Variants in TTN observed in about 807,000 individuals in gnomAD.
TTN encodes titin.
TTN carries 1,525 observed loss-of-function variants against 3,223.0 expected under a neutral mutation model. That is an observed-to-expected ratio of 0.47 (90% CI 0.45 to 0.49). The LOEUF (loss-of-function observed/expected upper bound fraction) is 0.49. TTN is among the 20% of genes least tolerant of loss of function. The probability of loss-of-function intolerance (pLI) is 0.00; values close to 1 mark genes in which losing one functional copy is unlikely to be tolerated. For synonymous variants in TTN, 14,094 were observed against 15,161.0 expected (o/e 0.93, Z 5.17); for missense variants, 40,786 against 43,424.0 (o/e 0.94, Z 5.40).
At position 178,531,328 on chromosome 2, in the gene TTN, T is replaced by C; in HGVS notation, c.105287A>G (p.Tyr35096Cys). 6.2e-7 allele frequency: 1 copy of C among 1,614,054 alleles called. No individual in the cohort carries two copies. Among genetic ancestry groups the C allele is most frequent in the South Asian group, 1.1e-5 (1 of 91,088 alleles). Reference sequence around the variant, plus strand: ...CATTTCTGCAGATGCAGAGTGTTCATATGAGGAGAGACTTTCCCTTGTCTC... The same window carrying C: ...CATTTCTGCAGATGCAGAGTGTTCACATGAGGAGAGACTTTCCCTTGTCTC... ...MTETRESLSS[Y>C]EHSASAEMKS... Residue 35096 changes from tyrosine (Y) to cysteine (C), a missense_variant, in exon 358 of 363, where the codon TAT (tyrosine) becomes TGT (cysteine). By Grantham distance (194) the Tyr-to-Cys change is radical. Transcript: ENST00000589042.
intron 16 of TTN, 25 bp from the exon 17 acceptor site, chr2:178,783,810 A>C (rs2092969529): frequency 6.3e-7 from 1 of 1,596,396 alleles, no homozygotes; most frequent in Non-Finnish European, 8.6e-7. Flanking sequence ...ATTATATTAC[A>C]AAATGCTCAT....
intron 126 of TTN, 140 bp downstream of exon 126, chr2:178,688,537 G>T: frequency 1.5e-6 from 1 of 681,906 alleles, no homozygotes. Context: ...GGCTACAAAA[G>T]GTAGACACAT....
chr2:178,628,143 A>T (rs2059315269), intron 240 of TTN, among the ~76,000 whole-genome samples: 1 of 152,108 alleles, frequency 6.6e-6, no homozygotes, highest in African/African-American at 2.4e-5. Context: ...TACCTATCAG[A>T]TGACTGCTGG....
chr2:178,552,388 G>A lies in TTN; in HGVS notation c.90512C>T (p.Pro30171Leu), dbSNP rs2154151253. 2 of 1,591,144 alleles carry A rather than the reference G, an allele frequency of 1.3e-6. No individual in the cohort carries two copies. Among genetic ancestry groups the A allele is most frequent in the South Asian group, 1.1e-5 (1 of 87,196 alleles). Residue 30171 changes from proline (P) to leucine (L), a missense_variant, in exon 335 of 363, where the codon CCA becomes CTA. Pro to Leu is a moderately conservative substitution (Grantham distance 98). Transcript: ENST00000589042. The stretch of plus-strand genomic sequence containing the variant: ...GCGAACAAATTCACTTTCTTTCAGT[G>A]GCAAGCCATCTTTCAGCCAACTGAT... ...PSISWLKDGL[P>L]LKESEFVRFS...
rs2085428235 is a variant in TTN, at chr2:178,751,309, C to A, written c.11311+1815G>T. ...TTAAACGTTGCAACTTCACTTTGGTCTCCTTGTCCAGGAAACTTTCACCTA... is the reference window on the plus strand; with the variant it reads ...TTAAACGTTGCAACTTCACTTTGGTATCCTTGTCCAGGAAACTTTCACCTA... On this transcript the variant is annotated intron_variant, in intron 47 of 362. Coordinates refer to ENST00000589042, the MANE Select transcript of TTN (RefSeq NM_001267550.2). The A allele has an allele frequency of 6.2e-6, 10 of 1,610,606 alleles. No homozygotes were observed. In the East Asian group the frequency reaches 2.2e-4, roughly 36 times the overall value.
rs1559975719 is a variant in TTN at position 178,634,693 on chromosome 2, A to T, written c.42151+30T>A. The T allele has an allele frequency of 1.2e-6, 2 of 1,611,998 alleles. No homozygotes were observed. Among genetic ancestry groups the T allele is most frequent in the East Asian group, 2.2e-5 (1 of 44,798 alleles). ...CACAGGGAAGTGAAATAAAGTTGAG[A>T]CCCCTCCCCAAATTCTAAAAGCCCC... is the stretch of plus-strand genomic sequence containing the variant. On this transcript the variant is annotated intron_variant, in intron 229 of 362. Transcript: ENST00000589042. This position sits in a 1 kb window ranked among gnomAD's most constrained non-coding sequence, Gnocchi z 4.6.
Position 178,531,262 on chromosome 2 carries a change from GA to G in TTN, c.105352del (p.Ser35118ProfsTer15). The stretch of plus-strand genomic sequence containing the variant: ...AGTCGTCTTGATCTTTCTGGTTGTG[GA>G]TTTTTCTTCCAGTGACTTTTCTTCT... ...ALEEKSLEEK[S>X]TTRKIKTTLA... On this transcript the variant is annotated frameshift_variant, in exon 358 of 363. Coordinates refer to ENST00000589042, the MANE Select transcript of TTN (RefSeq NM_001267550.2). LOFTEE classifies it high-confidence loss of function. 2 of 1,613,960 alleles carry G rather than the reference GA, an allele frequency of 1.2e-6. No individual in the cohort carries two copies. The highest frequency in any genetic ancestry group is 1.7e-6 in the Non-Finnish European group (2 of 1,179,886).
rs369739111 is a variant in TTN at position 178,670,291 on chromosome 2, C to T, written c.35313G>A (p.Pro11771=). The part of the protein sequence containing the change: ...VPRKEPPAKV[P]EVPKKIVVEE... ...CTACCACAATTTTCTTAGGCACCTC[C>T]GGTACTTTAAAGATAATAGTAATAA... The change falls in exon 157 of 363, where the codon CCG becomes CCA. Residue 11771 remains proline (P), a synonymous_variant. Transcript: ENST00000589042. 240 of 1,470,400 alleles carry T rather than the reference C, an allele frequency of 1.6e-4. No homozygotes were observed. Among genetic ancestry groups the T allele is most frequent in the South Asian group, 6.2e-4 (39 of 62,502 alleles). 91.1% of individuals were successfully genotyped at this position (1,470,400 alleles called of 1,614,324 possible).
At position 178,680,351 on chromosome 2, in the gene TTN, G is replaced by A. The variant is rs1156840969; in HGVS notation, c.33341-20C>T. The A allele has an allele frequency of 3.1e-6, 5 of 1,601,002 alleles. No homozygotes were observed. The highest frequency in any genetic ancestry group is 1.4e-5 in the African/African-American group (1 of 73,902). ...TGGGCACTTGAAATATGAAGTATAA[G>A]GAAATTTTATTGTCAGTAAAAGGCC... On this transcript the variant is annotated intron_variant, in intron 138 of 362. Transcript: ENST00000589042.
At position 178,577,610 on chromosome 2, in the gene TTN, T is replaced by C; in HGVS notation, c.68816A>G (p.Asp22939Gly). 1 of 1,605,886 alleles carries C rather than the reference T, an allele frequency of 6.2e-7. No homozygotes were observed. The highest frequency in any genetic ancestry group is 8.5e-7 in the Non-Finnish European group (1 of 1,176,124). The change falls in exon 323 of 363, where the codon GAT (aspartate) becomes GGT (glycine). Residue 22939 changes from aspartate to glycine, a missense_variant. Coordinates refer to ENST00000589042, the MANE Select transcript of TTN (RefSeq NM_001267550.2). ...AAGTAAAATGGACCTACCGTATTCA[T>C]CCTTGCAAATAATGGTTTCTGTACT... is the stretch of plus-strand genomic sequence containing the variant. ...SESTETIICKDEYEAPTIVLD... is the reference protein window; with the variant it reads ...SESTETIICKGEYEAPTIVLD...
Position 178,535,305 on chromosome 2 carries a change from C to G in TTN, c.101310G>C (p.Leu33770=). 6.2e-7 allele frequency: 1 copy of G among 1,613,902 alleles called. No homozygotes were observed. The highest frequency in any genetic ancestry group is 1.7e-5 in the Admixed American group (1 of 60,022). The part of the protein sequence containing the change: ...FRVIAENKFG[L]SKPSEPSEPT... ...GTTCTGAAGGCTCTGAAGGCTTGCTCAGACCAAATTTATTTTCAGCTATTA... is the reference window on the plus strand; with the variant it reads ...GTTCTGAAGGCTCTGAAGGCTTGCTGAGACCAAATTTATTTTCAGCTATTA... Residue 33770 remains leucine (L), a synonymous_variant, in exon 358 of 363, where the codon CTG becomes CTC. Coordinates refer to ENST00000589042, the MANE Select transcript of TTN (RefSeq NM_001267550.2).
rs1437157451 is a variant in TTN, at chr2:178,579,649, C to T, written c.67548G>A (p.Gly22516=). 1 of 1,613,316 alleles carries T rather than the reference C, an allele frequency of 6.2e-7. No individual in the cohort carries two copies. Among genetic ancestry groups the T allele is most frequent in the East Asian group, 2.2e-5 (1 of 44,786 alleles). The change falls in exon 319 of 363, where the codon GGG becomes GGA. Residue 22516 remains glycine, a synonymous_variant. Coordinates refer to ENST00000589042, the MANE Select transcript of TTN (RefSeq NM_001267550.2). ...LQYSAKDLTE[G]KEYTFRVSAE... ...CACTCACTCTGAAGGTATATTCCTT[C>T]CCTTCAGTCAAATCTTTTGCAGAGT... is the stretch of plus-strand genomic sequence containing the variant.
rs1308954903 is a variant in TTN, at chr2:178,671,987, T to C, written c.35211A>G (p.Pro11737=). 1.9e-6 allele frequency: 3 copies of C among 1,602,532 alleles called. No individual in the cohort carries two copies. Among genetic ancestry groups the C allele is most frequent in the African/African-American group, 1.3e-5 (1 of 74,106 alleles). Residue 11737 remains proline, a synonymous_variant, in exon 155 of 363, where the codon CCA becomes CCG. Coordinates refer to ENST00000589042, the MANE Select transcript of TTN (RefSeq NM_001267550.2). ...EAEEVEVFEK[P]KAPPKGPEIS... ...TCCCTATACCTTTAGGTGGAGCTTT[T>C]GGTTTTTCAAATACTTCCACTTCTT...
At chr2:178,746,307 C>G (rs1233165459) in intron 47 of TTN, 1 of 1,612,530 alleles carries the variant, frequency 6.2e-7, no homozygotes, top group South Asian at 1.1e-5. Context: ...TCTTTGTCTT[C>G]TCCCTCCCTT....
chr2:178,756,177 C>G, intron 46 of TTN, 45 bp downstream of exon 46: 1 of 1,394,070 alleles, frequency 7.2e-7, no homozygotes, highest in South Asian at 1.3e-5. Context: ...CTGCATAAAG[C>G]GATGAGGATG....
Position 178,725,508 on chromosome 2 carries a change from T to C in TTN, c.20696A>G (p.Glu6899Gly), listed in dbSNP as rs777803266. The C allele has an allele frequency of 1.9e-6, 3 of 1,613,304 alleles. No homozygotes were observed. Among genetic ancestry groups the C allele is most frequent in the African/African-American group, 2.7e-5 (2 of 74,886 alleles). The change falls in exon 71 of 363, where the codon GAA becomes GGA. Residue 6899 changes from glutamate (E) to glycine (G), a missense_variant. Transcript: ENST00000589042. ...TTCCACAAATGTAATCCTGATGTTT[T>C]CACTTTCTCTAATCACTTCTTCCTT... The part of the protein sequence containing the change: ...KEKEEVIRES[E>G]NIRITFVENV...
Position 178,544,076 on chromosome 2 carries a change from GTCT to G in TTN, c.96065_96067del (p.Lys32022del). On this transcript the variant is annotated inframe_deletion, in exon 346 of 363. Coordinates refer to ENST00000589042, the MANE Select transcript of TTN (RefSeq NM_001267550.2). The stretch of plus-strand genomic sequence containing the variant: ...GGAGGCCCCAGCCCTGATGGTCACA[GTCT>G]TCTTTAGATCATCTGCAAGCTCAAG... 2.5e-6 allele frequency: 4 copies of G among 1,612,842 alleles called. No homozygotes were observed. The highest frequency in any genetic ancestry group is 3.4e-6 in the Non-Finnish European group (4 of 1,179,162).
chr2:178,533,880 C>T lies in TTN; in HGVS notation c.102735G>A (p.Lys34245=), dbSNP rs748309494. The part of the protein sequence containing the change: ...YYCRRTMKKI[K]RRTDTMRLLE... Reference sequence around the variant, plus strand: ...GGAGTCTCATTGTGTCTGTTCTGCGCTTAATTTTCTTCATGGTTCTACGGC... The same window carrying T: ...GGAGTCTCATTGTGTCTGTTCTGCGTTTAATTTTCTTCATGGTTCTACGGC... The change falls in exon 358 of 363, where the codon AAG becomes AAA. Residue 34245 remains lysine, a synonymous_variant. Coordinates refer to ENST00000589042, the MANE Select transcript of TTN (RefSeq NM_001267550.2). The T allele has an allele frequency of 3.7e-6, 6 of 1,613,880 alleles. No homozygotes were observed. In the South Asian group the frequency reaches 5.5e-5, roughly 15 times the overall value.
Position 178,702,541 on chromosome 2 carries a change from C to A in TTN, c.30346G>T (p.Glu10116Ter). The A allele has an allele frequency of 6.2e-7, 1 of 1,613,926 alleles. No individual in the cohort carries two copies. Among genetic ancestry groups the A allele is most frequent in the African/African-American group, 1.3e-5 (1 of 75,010 alleles). ...AIVTWYKGPTELTESQKYNFR... is the reference protein window; with the variant it reads ...AIVTWYKGPT The stretch of plus-strand genomic sequence containing the variant: ...TTGTATTTCTGGCTCTCTGTCAGTT[C>A]TGTTGGTCCTTTGTACCATGTTACA... The change falls in exon 107 of 363, where the codon GAA becomes TAA. Residue 10116 changes from glutamate (E) to a stop codon, truncating the protein, a stop_gained. Coordinates refer to ENST00000589042, the MANE Select transcript of TTN (RefSeq NM_001267550.2). LOFTEE classifies it high-confidence loss of function.
Sources: gnomAD v4.1 joint callset for allele counts (sites outside exome capture counted in the v4.1 genomes callset) on GRCh38, gnomAD v4.1.1 for gene constraint, Gnocchi (gnomAD v3.1) non-coding constraint, MANE v1.5 for transcripts, NCBI Gene and HGNC (gene_info 2026-07-23, HGNC 2026-07-21) for gene names.